Variants in STPG2 observed in about 807,000 individuals in gnomAD.
STPG2 encodes sperm-tail PG-rich repeat-containing protein 2.
A neutral mutation model predicts 54.2 loss-of-function variants in STPG2; 56 were observed. The observed-to-expected ratio is 1.03, with a 90% CI of 0.83 to 1.29. The LOEUF is 1.29. Among genes scored for constraint, STPG2 ranks in the 50% most tolerant of loss-of-function variants. The pLI, the probability that STPG2 is intolerant of heterozygous loss-of-function variation, is 0.00. For synonymous variants in STPG2, 200 were observed against 181.8 expected, an observed-to-expected ratio of 1.10 and a Z score of -0.81; for missense variants, 596 against 544.9, an observed-to-expected ratio of 1.09 and a Z score of -0.93.
chr4:97,620,322 A>C (rs1449885203), intron 10 of STPG2, among the ~76,000 whole-genome samples: 1 of 152,230 alleles, frequency 6.6e-6, no homozygotes, highest in Non-Finnish European at 1.5e-5. Flanking sequence ...TTTTTCAAAG[A>C]AATTATTTTT....
intron 4 of STPG2, chr4:97,489,654 T>C (rs532883874): frequency 6.6e-5 from 10 of 151,666 alleles, no homozygotes; most frequent in Non-Finnish European, 1.3e-4. Flanking sequence ...TCTTATACTT[T>C]GAATGTAAAT....
At chr4:97,509,826 A>C (rs1454208597) in intron 4 of STPG2, among the ~76,000 whole-genome samples, 2 of 152,070 alleles carry the variant, frequency 1.3e-5, no homozygotes, top group Non-Finnish European at 2.9e-5. Context: ...ATCCGGGTAA[A>C]AATGTTATTC....
intron 9 of STPG2, among the ~76,000 whole-genome samples, chr4:97,818,132 A>G (rs1302297848): frequency 6.6e-6 from 1 of 151,816 alleles, no homozygotes; most frequent in Non-Finnish European, 1.5e-5. Flanking sequence ...TTATTGATTT[A>G]TAAATCACTC....
At chr4:98,119,356 AAAAT>A (rs985540946) in intron 3 of STPG2, among the ~76,000 whole-genome samples, 14 of 152,132 alleles carry the variant, frequency 9.2e-5, no homozygotes, top group Non-Finnish European at 1.5e-4. Flanking sequence ...CATATTCTAC[AAAAT>A]AAATAAACTG....
At chr4:97,819,464 C>A (rs1728015880) in intron 9 of STPG2, among the ~76,000 whole-genome samples, 1 of 151,864 alleles carries the variant, frequency 6.6e-6, no homozygotes, top group Non-Finnish European at 1.5e-5. Context: ...AAATAATTTC[C>A]TGTGGGAATG....
At chr4:97,796,829 C>A (rs969621808) in intron 9 of STPG2, among the ~76,000 whole-genome samples, 14 of 152,194 alleles carry the variant, frequency 9.2e-5, no homozygotes, top group African/African-American at 2.6e-4. Flanking sequence ...ATCCATGAGC[C>A]TGGAATGTTC....
intron 9 of STPG2, among the ~76,000 whole-genome samples, chr4:97,822,865 T>A (rs1024846916): frequency 3.9e-5 from 6 of 152,138 alleles, no homozygotes; most frequent in Non-Finnish European, 7.3e-5. Context: ...GGGTATTACA[T>A]CTCTGGAGAA....
At chr4:97,514,430 G>T (rs1195491270) in intron 4 of STPG2, among the ~76,000 whole-genome samples, 1 of 151,994 alleles carries the variant, frequency 6.6e-6, no homozygotes, top group Admixed American at 6.6e-5. Context: ...TTTTCTTCTC[G>T]CTAAGGAAGT....
intron 10 of STPG2, among the ~76,000 whole-genome samples, chr4:97,635,616 T>C (rs1373960166): frequency 2.6e-5 from 4 of 152,002 alleles, no homozygotes; most frequent in Non-Finnish European, 4.4e-5. Flanking sequence ...CAGAGACACA[T>C]ATAGGCTCAA....
intron 9 of STPG2, among the ~76,000 whole-genome samples, chr4:97,735,471 A>T (rs1724951515): frequency 6.6e-6 from 1 of 151,384 alleles, no homozygotes; most frequent in African/African-American, 2.4e-5. Flanking sequence ...CAGGTGACAG[A>T]TGCAGTAAAA....
intron 5 of STPG2, among the ~76,000 whole-genome samples, chr4:98,003,663 G>C (rs1735483751): frequency 6.6e-6 from 1 of 152,004 alleles, no homozygotes; most frequent in Non-Finnish European, 1.5e-5. Flanking sequence ...ATATGATCGT[G>C]TGTTTTCTGG....
chr4:98,125,613 A>AC (rs1389313366), intron 3 of STPG2, among the ~76,000 whole-genome samples: 5 of 152,262 alleles, frequency 3.3e-5, no homozygotes, highest in Middle Eastern at 3.4e-3. Context: ...GTGTCTGGCA[A>AC]CCCCTATTGG....
At chr4:97,485,920 C>G (rs990410274) in intron 4 of STPG2, among the ~76,000 whole-genome samples, 4 of 151,538 alleles carry the variant, frequency 2.6e-5, no homozygotes, top group Non-Finnish European at 5.9e-5. Flanking sequence ...TTCAACAAAG[C>G]GAACAAAAAT....
At chr4:98,066,042 A>G (rs1323878107) in intron 5 of STPG2, among the ~76,000 whole-genome samples, 3 of 152,024 alleles carry the variant, frequency 2.0e-5, no homozygotes, top group Non-Finnish European at 2.9e-5. Flanking sequence ...TATATCAAAT[A>G]TGTATATTAT....
chr4:98,119,272 C>T (rs1739605020), intron 3 of STPG2, among the ~76,000 whole-genome samples: 1 of 152,022 alleles, frequency 6.6e-6, no homozygotes. Flanking sequence ...GAACCTATCA[C>T]TTCTATAGTA....
At chr4:98,059,420 C>A (rs962595505) in intron 5 of STPG2, among the ~76,000 whole-genome samples, 1 of 151,712 alleles carries the variant, frequency 6.6e-6, no homozygotes, top group Non-Finnish European at 1.5e-5. Context: ...AAATAGCCTA[C>A]CAATAAAAAA....
chr4:97,834,881 G>A (rs986762180), intron 9 of STPG2, among the ~76,000 whole-genome samples: 20 of 151,966 alleles, frequency 1.3e-4, no homozygotes, highest in African/African-American at 4.6e-4. Flanking sequence ...CAATAGTTAG[G>A]CAGCAATATT....
intron 10 of STPG2, among the ~76,000 whole-genome samples, chr4:97,653,519 G>A (rs1722133899): frequency 1.3e-5 from 2 of 151,910 alleles, no homozygotes; most frequent in Non-Finnish European, 2.9e-5. Flanking sequence ...TGTTTTAAAT[G>A]GGAGCTTTCA....
intron 8 of STPG2, among the ~76,000 whole-genome samples, chr4:97,920,896 G>A (rs1669745): frequency 0.44 from 66,085 of 151,732 alleles, 14,744 homozygotes; most frequent in Admixed American, 0.54. Context: ...AATTAACAAC[G>A]AAGAGTGGTA....
Sources: gnomAD v4.1 joint callset for allele counts (sites outside exome capture counted in the v4.1 genomes callset) on GRCh38, gnomAD v4.1.1 for gene constraint, MANE v1.5 for transcripts, NCBI Gene and HGNC (gene_info 2026-07-23, HGNC 2026-07-21) for gene names.